ZNF618: variants seen among roughly 807,000 people sequenced by gnomAD.
ZNF618 encodes neural precursor cell expressed, developmentally down-regulated 10.
In ZNF618, 34 loss-of-function variants were observed where a neutral mutation model predicts 103.0. The ratio of observed to expected loss-of-function variants is 0.33; its 90% CI spans 0.25 to 0.44. The LOEUF is 0.44. ZNF618 is among the 20% of genes least tolerant of loss of function. The probability of loss-of-function intolerance (pLI) is 1.00; values close to 1 mark genes in which losing one functional copy is unlikely to be tolerated. For synonymous variants in ZNF618, 551 were observed against 542.2 expected (o/e 1.02, Z -0.23); for missense variants, 1,059 against 1,295.4 (o/e 0.82, Z 2.80).
intron 9 of ZNF618, among the ~76,000 whole-genome samples, chr9:114,010,386 G>A (rs1842130709): frequency 6.6e-6 from 1 of 151,632 alleles, no homozygotes; most frequent in Non-Finnish European, 1.5e-5. Context: ...GGGAAACACA[G>A]ATGTGAATCA....
intron 1 of ZNF618, among the ~76,000 whole-genome samples, chr9:113,891,333 G>A (rs1010738506): frequency 3.3e-5 from 5 of 152,146 alleles, no homozygotes; most frequent in African/African-American, 7.2e-5. Context: ...AAAAATGGGC[G>A]AAGAAGTTGA....
chr9:113,986,727 A>T (rs1839520867), intron 2 of ZNF618, among the ~76,000 whole-genome samples: 1 of 152,200 alleles, frequency 6.6e-6, no homozygotes, highest in African/African-American at 2.4e-5. Context: ...TTGGGGGCAC[A>T]TAGTTCAGTC....
chr9:114,002,217 C>A, intron 5 of ZNF618, 144 bp downstream of exon 5: 2 of 766,898 alleles, frequency 2.6e-6, no homozygotes, highest in African/African-American at 1.7e-5. Flanking sequence ...ATCAGTAGGA[C>A]AGGGTGCCAG....
At chr9:113,961,317 T>C (rs898004118) in intron 1 of ZNF618, among the ~76,000 whole-genome samples, 8 of 152,244 alleles carry the variant, frequency 5.3e-5, no homozygotes, top group Admixed American at 5.2e-4. Context: ...TTCTTGTTGC[T>C]GTTGTGTCCC....
chr9:113,920,405 A>G (rs1356813243), intron 1 of ZNF618, among the ~76,000 whole-genome samples: 3 of 142,686 alleles, frequency 2.1e-5, no homozygotes, highest in Admixed American at 6.9e-5. Context: ...CAGAGTCACA[A>G]TTTTTTTTTT....
At chr9:114,036,015 C>T (rs959248225) in intron 12 of ZNF618, among the ~76,000 whole-genome samples, 3 of 152,222 alleles carry the variant, frequency 2.0e-5, no homozygotes, top group African/African-American at 7.2e-5. Context: ...CTACCCCCAT[C>T]TCAAGTGCGC....
At position 114,050,767 on chromosome 9, in the gene ZNF618, C is replaced by G. The variant is rs182829691; in HGVS notation, c.*600C>G. ...CTACCCTCCTGATCCCATTGTGCAC[C>G]CCCCCACACACTCGGCTGCTCTGCT... On this transcript the variant is annotated 3_prime_UTR_variant, in exon 15 of 15. Transcript: ENST00000374126. The G allele has an allele frequency of 2.0e-5, 3 of 153,160 alleles. No homozygotes were observed. The South Asian group carries it at 6.2e-4, about 32-fold the overall frequency. The allele number at this position is 153,160 out of a possible 1,614,324, so 9.5% of individuals were successfully genotyped here. A position where few individuals can be genotyped will look rare whatever the true frequency, so the allele number is the denominator to read the frequency against.
At position 114,049,564 on chromosome 9, in the gene ZNF618, G is replaced by T; in HGVS notation, c.2262G>T (p.Gln754His). 6.2e-7 allele frequency: 1 copy of T among 1,613,822 alleles called. No individual in the cohort carries two copies. The highest frequency in any genetic ancestry group is 2.2e-5 in the East Asian group (1 of 44,888). Residue 754 changes from glutamine to histidine, a missense_variant, in exon 15 of 15, where the codon CAG becomes CAT. Physicochemically the swap from Gln to His is conservative, Grantham distance 24 (BLOSUM62 0). Transcript: ENST00000374126. ...QAVIELSNES[Q>H]PTLQLVLPTY... ...TCATCGAGCTGAGCAACGAGAGCCAGCCCACCCTGCAGCTGGTGCTGCCCA... is the reference window on the plus strand; with the variant it reads ...TCATCGAGCTGAGCAACGAGAGCCATCCCACCCTGCAGCTGGTGCTGCCCA...
At chr9:114,044,168 A>G (rs1435353759) in intron 13 of ZNF618, among the ~76,000 whole-genome samples, 1 of 152,088 alleles carries the variant, frequency 6.6e-6, no homozygotes, top group Non-Finnish European at 1.5e-5. Context: ...TAGAATTTTT[A>G]TGGTTTCAGG....
In ZNF618 at chr9:113,996,782, C is replaced by A. The variant is rs113767130; in HGVS notation, c.338-1477C>A. ...CACTCTGGGGAGTCCTGTGGCAGCA[C>A]CAGACATAGTGGGGGGCTCTGCTGC... On this transcript the variant is annotated intron_variant, in intron 3 of 14. Coordinates refer to ENST00000374126, the MANE Select transcript of ZNF618 (RefSeq NM_001318042.2). Among the ~76,000 whole-genome samples, 276 of 152,278 alleles carry A rather than the reference C, an allele frequency of 1.8e-3. 1 individual carries two copies. The highest frequency in any genetic ancestry group is 6.3e-3 in the African/African-American group (261 of 41,554).
chr9:113,997,766 G>C (rs1564275332), intron 3 of ZNF618, among the ~76,000 whole-genome samples: 1 of 152,196 alleles, frequency 6.6e-6, no homozygotes, highest in Non-Finnish European at 1.5e-5. Context: ...GTTCATAGAG[G>C]AAAAAAGTGG....
chr9:113,963,025 C>A (rs1006554191), intron 1 of ZNF618, among the ~76,000 whole-genome samples: 4 of 152,102 alleles, frequency 2.6e-5, no homozygotes, highest in Admixed American at 2.0e-4. Flanking sequence ...AGTCTTGTGC[C>A]TCAGTGGAGG....
chr9:113,929,862 T>G (rs1289331282), intron 1 of ZNF618, among the ~76,000 whole-genome samples: 1 of 152,252 alleles, frequency 6.6e-6, no homozygotes, highest in African/African-American at 2.4e-5. Context: ...GTCTTTATTG[T>G]TGCTTTAAAT....
At chr9:114,038,706 A>G (rs776889581) in intron 13 of ZNF618, among the ~76,000 whole-genome samples, 13 of 152,208 alleles carry the variant, frequency 8.5e-5, no homozygotes, top group Non-Finnish European at 1.6e-4. Flanking sequence ...GATAGCTACA[A>G]TTTTGTGAGT....
chr9:113,982,666 C>G (rs1839078599), intron 2 of ZNF618, among the ~76,000 whole-genome samples: 2 of 152,158 alleles, frequency 1.3e-5, no homozygotes, highest in African/African-American at 4.8e-5. Context: ...AGGCCTAAAT[C>G]TGTATACATC....
At chr9:114,003,180 T>C (rs1841413897) in intron 6 of ZNF618, among the ~76,000 whole-genome samples, 1 of 152,226 alleles carries the variant, frequency 6.6e-6, no homozygotes, top group African/African-American at 2.4e-5. Flanking sequence ...TGAGGTGCCA[T>C]ATCCCAGCAC....
chr9:113,990,165 T>A (rs1839902052), intron 3 of ZNF618, among the ~76,000 whole-genome samples: 1 of 152,168 alleles, frequency 6.6e-6, no homozygotes, highest in African/African-American at 2.4e-5. Context: ...CGAGGCCAAC[T>A]CCAGTGCCAC....
At chr9:113,896,881 G>A (rs1457829281) in intron 1 of ZNF618, among the ~76,000 whole-genome samples, 1 of 151,958 alleles carries the variant, frequency 6.6e-6, no homozygotes, top group Admixed American at 6.6e-5. Context: ...CCTGTTTTAT[G>A]CTTTCTACTT....
intron 9 of ZNF618, chr9:114,016,144 G>C: frequency 6.2e-7 from 1 of 1,613,578 alleles, no homozygotes; most frequent in Non-Finnish European, 8.5e-7. Context: ...TTTTTAAGAA[G>C]AAAGAAGTTA....
Sources: gnomAD v4.1 joint callset for allele counts (sites outside exome capture counted in the v4.1 genomes callset) on GRCh38, gnomAD v4.1.1 for gene constraint, MANE v1.5 for transcripts, NCBI Gene and HGNC (gene_info 2026-07-23, HGNC 2026-07-21) for gene names.